PLS3: variants seen among roughly 807,000 people sequenced by gnomAD.
PLS3 encodes the protein plastin 3.
PLS3 carries 11 observed loss-of-function variants against 46.5 expected under a neutral mutation model. The observed-to-expected ratio is 0.24, with a 90% CI of 0.15 to 0.39. The LOEUF (loss-of-function observed/expected upper bound fraction) is 0.39, where lower values mean the gene tolerates loss of function less well. Among genes scored for constraint, PLS3 ranks in the 10% least tolerant of loss-of-function variants. The pLI, the probability that PLS3 is intolerant of heterozygous loss-of-function variation, is 1.00. For synonymous variants in PLS3, 167 were observed against 162.2 expected (o/e 1.03, Z -0.22); for missense variants, 308 against 461.8 (o/e 0.67, Z 3.05).
chrX:115,609,325 T>C (rs782053541), intron 1 of PLS3, among the ~76,000 whole-genome samples: 2 of 111,399 alleles, frequency 1.8e-5, no homozygotes, highest in African/African-American at 6.5e-5. Context: ...AGAGGTAAAA[T>C]CAAGAATATT....
At chrX:115,595,877 TG>T (rs1432088342) in intron 1 of PLS3, among the ~76,000 whole-genome samples, 1 of 108,746 alleles carries the variant, frequency 9.2e-6, no homozygotes, top group Non-Finnish European at 1.9e-5. Flanking sequence ...TTAGTAGAGA[TG>T]GGGTTTCACC....
In PLS3 at chrX:115,610,229, T is replaced by C. The variant is rs781921775; in HGVS notation, c.-8-14T>C. The C allele has an allele frequency of 2.0e-6, 2 of 1,008,866 alleles. No individual in the cohort carries two copies. The highest frequency in any genetic ancestry group is 2.3e-5 in the South Asian group (1 of 43,736). The allele number at this position is 1,008,866 out of a possible 1,213,427, so 83.1% of individuals were successfully genotyped here. A position where few individuals can be genotyped will look rare whatever the true frequency, so the allele number is the denominator to read the frequency against. ...AATTTTTTAAAGTCTGAAACGTTTT[T>C]GGTTTTTCTTTAGATCTTTAAATGG... On this transcript the variant is annotated splice_polypyrimidine_tract_variant and intron_variant, in intron 1 of 15. Coordinates refer to ENST00000355899, the MANE Select transcript of PLS3 (RefSeq NM_005032.7).
At chrX:115,600,427 T>G (rs938187989) in intron 1 of PLS3, among the ~76,000 whole-genome samples, 32 of 111,443 alleles carry the variant, frequency 2.9e-4, no homozygotes, top group African/African-American at 9.1e-4. Flanking sequence ...ACCCTCAGCC[T>G]CAGTTGGTAT....
In PLS3 at chrX:115,649,568, C is replaced by G. The variant is rs782414569; in HGVS notation, c.*7C>G. The G allele has an allele frequency of 5.0e-6, 6 of 1,200,263 alleles. No homozygotes were observed. In the African/African-American group the frequency reaches 8.8e-5, roughly 18 times the overall value. Reference sequence around the variant, plus strand: ...GGGAATGAAGAGAGTGTAAAATAACCAATCTGAATAAAACAGCCATGCTCC... The same window carrying G: ...GGGAATGAAGAGAGTGTAAAATAACGAATCTGAATAAAACAGCCATGCTCC... On this transcript the variant is annotated 3_prime_UTR_variant, in exon 16 of 16. Coordinates refer to ENST00000355899, the MANE Select transcript of PLS3 (RefSeq NM_005032.7).
At chrX:115,641,950 C>T (rs943999401) in intron 9 of PLS3, among the ~76,000 whole-genome samples, 2 of 110,051 alleles carry the variant, frequency 1.8e-5, no homozygotes, top group Admixed American at 9.8e-5. Flanking sequence ...AACCTTCCTT[C>T]CCACCACCAC....
intron 10 of PLS3, 148 bp downstream of exon 10, chrX:115,643,656 G>A (rs1160797261): frequency 9.5e-6 from 4 of 420,668 alleles, no homozygotes; most frequent in African/African-American, 7.5e-5. Flanking sequence ...AGGAAAGTAC[G>A]ATACAAGTGA....
At chrX:115,564,689 T>C (rs1485045068) in intron 1 of PLS3, among the ~76,000 whole-genome samples, 3 of 112,661 alleles carry the variant, frequency 2.7e-5, no homozygotes, top group African/African-American at 9.7e-5. Flanking sequence ...GCACATATGA[T>C]AAATTCATGA....
chrX:115,602,116 GA>G (rs1170727984), intron 1 of PLS3, among the ~76,000 whole-genome samples: 2 of 111,325 alleles, frequency 1.8e-5, no homozygotes, highest in Admixed American at 1.9e-4. Flanking sequence ...CCTCACCTCG[GA>G]AAAAACTTTT....
At chrX:115,630,014 C>T (rs782455480) in intron 5 of PLS3, 47 bp downstream of exon 5, 21 of 967,031 alleles carry the variant, frequency 2.2e-5, no homozygotes, top group Middle Eastern at 2.7e-4. Context: ...AAATAGCCTT[C>T]CATATAATTG....
chrX:115,640,634 G>A (rs781900145), intron 9 of PLS3, 131 bp downstream of exon 9: 4 of 396,310 alleles, frequency 1.0e-5, no homozygotes, highest in East Asian at 4.0e-5. Context: ...ATGTATTACT[G>A]TACATGTAAT....
intron 2 of PLS3, chrX:115,611,015 A>T: frequency 1.1e-5 from 5 of 464,590 alleles, no homozygotes; most frequent in Non-Finnish European, 1.9e-5. Context: ...CTACTTATGT[A>T]AATACATGAA....
chrX:115,594,337 A>G (rs781939932), intron 1 of PLS3, among the ~76,000 whole-genome samples: 6 of 111,494 alleles, frequency 5.4e-5, no homozygotes, highest in Non-Finnish European at 1.1e-4. Context: ...TATACAGTCA[A>G]TCCTCACTCT....
At chrX:115,589,518 T>G (rs1334158604) in intron 1 of PLS3, among the ~76,000 whole-genome samples, 3 of 111,876 alleles carry the variant, frequency 2.7e-5, no homozygotes, top group African/African-American at 9.8e-5. Context: ...TCACTCACTA[T>G]GTTTGTTTGT....
intron 1 of PLS3, among the ~76,000 whole-genome samples, chrX:115,606,384 C>T (rs1259268892): frequency 4.6e-5 from 5 of 109,097 alleles, no homozygotes; most frequent in Admixed American, 9.8e-5. Flanking sequence ...GTGATCTGCC[C>T]GCTTTGGCCT....
chrX:115,584,870 C>T (rs2074298166), intron 1 of PLS3, among the ~76,000 whole-genome samples: 1 of 111,954 alleles, frequency 8.9e-6, no homozygotes, highest in East Asian at 2.8e-4. Flanking sequence ...ATGATGGTTC[C>T]TGTCCTGAAG....
intron 3 of PLS3, 63 bp from the exon 4 acceptor site, chrX:115,629,135 A>T: frequency 1.3e-6 from 1 of 776,197 alleles, no homozygotes; most frequent in Admixed American, 2.8e-5. Context: ...AAAGAATATA[A>T]ATATGCTTAT....
intron 1 of PLS3, among the ~76,000 whole-genome samples, chrX:115,566,745 T>C (rs1238689149): frequency 9.2e-6 from 1 of 108,973 alleles, no homozygotes; most frequent in Admixed American, 9.8e-5. Context: ...AATGGCGTGA[T>C]CTCAGCCCAC....
intron 1 of PLS3, among the ~76,000 whole-genome samples, chrX:115,589,200 G>A (rs1385900855): frequency 9.0e-6 from 1 of 110,587 alleles, no homozygotes; most frequent in Admixed American, 9.7e-5. Context: ...TCGAACTCCC[G>A]GGCTAAAGTG....
At chrX:115,577,569 C>G (rs1488515154) in intron 1 of PLS3, among the ~76,000 whole-genome samples, 2 of 110,487 alleles carry the variant, frequency 1.8e-5, no homozygotes, top group Non-Finnish European at 3.8e-5. Flanking sequence ...CCTCTGCCTC[C>G]CAGGTTCAAG....
Sources: allele counts gnomAD v4.1 joint callset (sites outside exome capture counted in the v4.1 genomes callset), GRCh38; gene constraint gnomAD v4.1.1; transcripts MANE v1.5; gene names NCBI Gene and HGNC (gene_info 2026-07-23, HGNC 2026-07-21).